NR1I2: variants seen among roughly 807,000 people sequenced by gnomAD.
NR1I2 encodes nuclear receptor subfamily 1 group I member 2.
In NR1I2, 42 loss-of-function variants were observed where a neutral mutation model predicts 43.3. The observed-to-expected ratio is 0.97, with a 90% CI of 0.76 to 1.26. The LOEUF (loss-of-function observed/expected upper bound fraction) is 1.26, where lower values mean the gene tolerates loss of function less well. Ranked by LOEUF, NR1I2 falls within the 50% of genes most tolerant of loss-of-function variation. The pLI is 0.00. For missense variants in NR1I2, 559 were observed against 566.7 expected (o/e 0.99, Z 0.14); for synonymous variants, 229 against 215.0 (o/e 1.06, Z -0.57).
At chr3:119,796,052 C>T (rs1202035379) in intron 1 of NR1I2, among the ~76,000 whole-genome samples, 2 of 152,194 alleles carry the variant, frequency 1.3e-5, no homozygotes, top group Admixed American at 6.5e-5. Context: ...CACTTTCCCC[C>T]AAGGCACAAA....
intron 3 of NR1I2, 166 bp downstream of exon 3, chr3:119,810,360 A>G (rs1028326130): frequency 5.8e-6 from 6 of 1,041,264 alleles, no homozygotes; most frequent in Admixed American, 2.6e-5. Context: ...CACCTGGGGG[A>G]GCGCTTGCAG....
At chr3:119,785,635 C>CT (rs2054833201) in intron 1 of NR1I2, among the ~76,000 whole-genome samples, 1 of 152,168 alleles carries the variant, frequency 6.6e-6, no homozygotes, top group Non-Finnish European at 1.5e-5. Flanking sequence ...AAATCCAGGC[C>CT]CCAGGCCTAC....
Position 119,810,134 on chromosome 3 carries a change from C to G in NR1I2, c.271C>G (p.Arg91Gly), listed in dbSNP as rs150019952. The change falls in exon 3 of 9, where the codon CGG (arginine) becomes GGG (glycine). Residue 91 changes from arginine (R) to glycine (G), a missense_variant. Arg to Gly is a moderately radical substitution (Grantham distance 125, BLOSUM62 -2). Coordinates refer to ENST00000393716, the MANE Select transcript of NR1I2 (RefSeq NM_003889.4). Reference sequence around the variant, plus strand: ...CGCCTGCGAGATCACCCGGAAGACCCGGCGACAGTGCCAGGCCTGCCGCCT... The same window carrying G: ...CGCCTGCGAGATCACCCGGAAGACCGGGCGACAGTGCCAGGCCTGCCGCCT... The G allele has an allele frequency of 1.2e-6, 2 of 1,613,236 alleles. No individual in the cohort carries two copies. The highest frequency in any genetic ancestry group is 1.7e-6 in the Non-Finnish European group (2 of 1,179,866).
intron 1 of NR1I2, among the ~76,000 whole-genome samples, chr3:119,805,639 G>T (rs193301224): frequency 4.6e-4 from 69 of 150,804 alleles, no homozygotes; most frequent in Non-Finnish European, 8.6e-4. Context: ...GGAGGCAGAG[G>T]TTGCAGTGAA....
At chr3:119,803,364 A>AGG (rs1436541231) in intron 1 of NR1I2, among the ~76,000 whole-genome samples, 2 of 113,258 alleles carry the variant, frequency 1.8e-5, no homozygotes, top group African/African-American at 6.3e-5. Flanking sequence ...AGAGAGAGAG[A>AGG]GAGAGAGAGA....
chr3:119,811,843 G>C, intron 4 of NR1I2, 117 bp downstream of exon 4: 1 of 987,012 alleles, frequency 1.0e-6, no homozygotes, highest in Non-Finnish European at 1.5e-6. Flanking sequence ...AGTGGTGGAG[G>C]GTAGATTTGG....
intron 1 of NR1I2, among the ~76,000 whole-genome samples, chr3:119,784,936 C>T (rs1364056514): frequency 6.6e-6 from 1 of 152,058 alleles, no homozygotes; most frequent in Non-Finnish European, 1.5e-5. Context: ...GCCTAGTTAC[C>T]TTATGGAATT....
chr3:119,802,134 TG>T (rs1559786707), intron 1 of NR1I2, among the ~76,000 whole-genome samples: 1 of 152,110 alleles, frequency 6.6e-6, no homozygotes. Context: ...GCATGGCTCC[TG>T]GGGGCCACCT....
At chr3:119,814,929 G>A in intron 5 of NR1I2, 50 bp from the exon 6 acceptor site, 2 of 1,612,630 alleles carry the variant, frequency 1.2e-6, no homozygotes, top group Non-Finnish European at 1.7e-6. Context: ...GTGCCGGTCT[G>A]TGGGCTGCCT....
chr3:119,804,220 A>G (rs1188915100), intron 1 of NR1I2, among the ~76,000 whole-genome samples: 1 of 150,058 alleles, frequency 6.7e-6, no homozygotes, highest in Non-Finnish European at 1.5e-5. Context: ...AAAAAATACA[A>G]AAAAATTAGC....
Position 119,815,140 on chromosome 3 carries a change from C to T in NR1I2, c.937+19C>T, listed in dbSNP as rs899531926. On this transcript the variant is annotated intron_variant, in intron 6 of 8. Transcript: ENST00000393716. ...ACTGCAGGTGCCCGAGAGAGCCTGC[C>T]TGCCCTGGCAGAGGGAGGGAAACAC... 1.4e-5 allele frequency: 22 copies of T among 1,614,108 alleles called. No individual in the cohort carries two copies. In the East Asian group the frequency reaches 4.5e-4, roughly 33 times the overall value.
chr3:119,810,505 G>GT (rs1377719871), intron 3 of NR1I2: 23 of 418,354 alleles, frequency 5.5e-5, no homozygotes, highest in South Asian at 4.9e-4. Flanking sequence ...CATAATTGTT[G>GT]TAATGGTTTG....
In NR1I2 at chr3:119,810,179, G is replaced by A. The variant is rs569524145; in HGVS notation, c.316G>A (p.Gly106Ser). The change falls in exon 3 of 9, where the codon GGC becomes AGC. Residue 106 changes from glycine to serine, a missense_variant. Around this residue, in one of 3 missense-constraint regions of NR1I2, gnomAD observed 232 missense variants for 236.6 expected, o/e 0.98. Transcript: ENST00000393716. ...CCGCCTGCGCAAGTGCCTGGAGAGCGGCATGAAGAAGGAGAGTGAGCAGTG... is the reference window on the plus strand; with the variant it reads ...CCGCCTGCGCAAGTGCCTGGAGAGCAGCATGAAGAAGGAGAGTGAGCAGTG... The A allele has an allele frequency of 1.9e-6, 3 of 1,609,406 alleles. No individual in the cohort carries two copies. Among genetic ancestry groups the A allele is most frequent in the African/African-American group, 2.7e-5 (2 of 74,982 alleles).
At chr3:119,782,816 C>A (rs768847929) in intron 1 of NR1I2, 2 of 1,614,180 alleles carry the variant, frequency 1.2e-6, no homozygotes, top group Non-Finnish European at 1.7e-6. Context: ...CCTGCCATAC[C>A]CCTGCACAGT....
intron 1 of NR1I2, among the ~76,000 whole-genome samples, chr3:119,803,614 AC>A (rs926665768): frequency 6.6e-6 from 1 of 152,176 alleles, no homozygotes; most frequent in Non-Finnish European, 1.5e-5. Flanking sequence ...ACAATGAGTG[AC>A]CTTTTACAAA....
intron 1 of NR1I2, among the ~76,000 whole-genome samples, chr3:119,800,578 G>T (rs1181203195): frequency 6.6e-6 from 1 of 152,144 alleles, no homozygotes; most frequent in Non-Finnish European, 1.5e-5. Flanking sequence ...ATCATAGGGT[G>T]TTTTTTGGTC....
intron 5 of NR1I2, 151 bp downstream of exon 5, chr3:119,813,111 C>T: frequency 4.5e-6 from 4 of 898,782 alleles, no homozygotes; most frequent in Non-Finnish European, 6.9e-6. Context: ...GCCAGTGCTG[C>T]TGGGGAGTAG....
intron 1 of NR1I2, 92 bp from the exon 2 acceptor site, chr3:119,807,137 G>T: frequency 8.7e-7 from 1 of 1,147,506 alleles, no homozygotes; most frequent in Non-Finnish European, 1.3e-6. Flanking sequence ...GCCCAAATGT[G>T]AGTGATGCAT....
At chr3:119,785,583 G>T (rs941900804) in intron 1 of NR1I2, among the ~76,000 whole-genome samples, 2 of 152,172 alleles carry the variant, frequency 1.3e-5, no homozygotes, top group African/African-American at 4.8e-5. Flanking sequence ...TATAGTCTAT[G>T]ATCTGGTTAG....
Sources: allele counts gnomAD v4.1 joint callset (sites outside exome capture counted in the v4.1 genomes callset), GRCh38; gene constraint gnomAD v4.1.1; regional missense constraint gnomAD v4.1.1; transcripts MANE v1.5; gene names NCBI Gene and HGNC (gene_info 2026-07-23, HGNC 2026-07-21).